Variants in MIPOL1 observed in about 807,000 individuals in gnomAD.
MIPOL1 encodes the protein mirror-image polydactyly gene 1 protein.
In MIPOL1, 57 loss-of-function variants were observed where a neutral mutation model predicts 60.9. The ratio of observed to expected loss-of-function variants is 0.94; its 90% CI spans 0.76 to 1.17. MIPOL1 has a LOEUF of 1.17. Among genes scored for constraint, MIPOL1 ranks in the 50% most tolerant of loss-of-function variants. The probability of loss-of-function intolerance (pLI) is 0.00; values close to 1 mark genes in which losing one functional copy is unlikely to be tolerated. For missense variants in MIPOL1, 551 were observed against 511.6 expected (o/e 1.08, Z -0.74); for synonymous variants, 179 against 168.8 (o/e 1.06, Z -0.47).
intron 10 of MIPOL1, among the ~76,000 whole-genome samples, chr14:37,374,466 G>A (rs550425212): frequency 2.6e-5 from 4 of 152,182 alleles, no homozygotes; most frequent in South Asian, 4.2e-4. Context: ...GCCCATGCCT[G>A]TGTCCTGAAT....
chr14:37,350,605 T>C (rs955402411), intron 9 of MIPOL1, among the ~76,000 whole-genome samples: 1 of 152,170 alleles, frequency 6.6e-6, no homozygotes, highest in Admixed American at 6.5e-5. Context: ...TTTTAGTTAT[T>C]TTTAAATGTA....
At chr14:37,278,549 T>C (rs998364992) in intron 6 of MIPOL1, 6 of 151,798 alleles carry the variant, frequency 4.0e-5, no homozygotes, top group Non-Finnish European at 8.9e-5. Flanking sequence ...TTTTCCAACA[T>C]GAATTATTAT....
intron 11 of MIPOL1, among the ~76,000 whole-genome samples, chr14:37,438,705 T>C (rs1199623282): frequency 2.6e-5 from 4 of 152,172 alleles, no homozygotes; most frequent in Admixed American, 1.3e-4. Flanking sequence ...TGCTTTGGAG[T>C]TTAACAGTCT....
chr14:37,341,930 A>T (rs1169103255), intron 9 of MIPOL1, among the ~76,000 whole-genome samples: 3 of 152,084 alleles, frequency 2.0e-5, no homozygotes, highest in African/African-American at 7.2e-5. Context: ...TTTCCTTTTG[A>T]TTTTTTTCTC....
chr14:37,504,169 A>C (rs2095253105), intron 12 of MIPOL1: 1 of 152,108 alleles, frequency 6.6e-6, no homozygotes, highest in Non-Finnish European at 1.5e-5. Context: ...AGACTTTAAC[A>C]CCCCACTGTC....
chr14:37,349,703 C>T (rs1276200904), intron 9 of MIPOL1, among the ~76,000 whole-genome samples: 2 of 152,098 alleles, frequency 1.3e-5, no homozygotes, highest in Admixed American at 6.5e-5. Context: ...TGCCTTTAAC[C>T]TGTTTTTCTT....
At chr14:37,245,472 C>A (rs1453312028) in intron 1 of MIPOL1, among the ~76,000 whole-genome samples, 1 of 152,038 alleles carries the variant, frequency 6.6e-6, no homozygotes, top group Admixed American at 6.5e-5. Context: ...ACATCAAGGG[C>A]AAAGCAAATG....
chr14:37,236,864 A>G (rs749662607), intron 1 of MIPOL1, among the ~76,000 whole-genome samples: 11 of 152,164 alleles, frequency 7.2e-5, no homozygotes, highest in Admixed American at 5.9e-4. Flanking sequence ...AGTCTTTGCA[A>G]ATTGCTTTGT....
At chr14:37,227,813 A>ATT (rs1488833878) in intron 1 of MIPOL1, 1 of 152,162 alleles carries the variant, frequency 6.6e-6, no homozygotes, top group Admixed American at 6.5e-5. Context: ...GAGAAGGCTA[A>ATT]AGGAGCTCAT....
chr14:37,460,045 C>T (rs1173239754), intron 11 of MIPOL1, among the ~76,000 whole-genome samples: 1 of 151,832 alleles, frequency 6.6e-6, no homozygotes, highest in Non-Finnish European at 1.5e-5. Context: ...TGCCACTGCA[C>T]TCCAGCCTGG....
chr14:37,499,193 A>G (rs1331535197), intron 11 of MIPOL1, among the ~76,000 whole-genome samples: 1 of 152,158 alleles, frequency 6.6e-6, no homozygotes, highest in African/African-American at 2.4e-5. Context: ...AGGTGTAATG[A>G]CATATCAAAG....
chr14:37,453,320 G>T (rs1016058557), intron 11 of MIPOL1, among the ~76,000 whole-genome samples: 4 of 151,822 alleles, frequency 2.6e-5, no homozygotes, highest in East Asian at 1.9e-4. Flanking sequence ...GCGCTTAGTG[G>T]TTTTTTTCAG....
At chr14:37,439,863 A>G (rs1461381102) in intron 11 of MIPOL1, among the ~76,000 whole-genome samples, 2 of 152,222 alleles carry the variant, frequency 1.3e-5, no homozygotes, top group East Asian at 1.9e-4. Context: ...TTATTTAATG[A>G]ATTTATTTTT....
chr14:37,339,299 C>T (rs1227269301), intron 9 of MIPOL1, among the ~76,000 whole-genome samples: 2 of 152,140 alleles, frequency 1.3e-5, no homozygotes, highest in African/African-American at 4.8e-5. Context: ...AAAAGACAGA[C>T]AACAGCAAAC....
At chr14:37,266,787 C>T (rs569394442) in intron 3 of MIPOL1, 151 bp from the exon 4 acceptor site, 2 of 637,792 alleles carry the variant, frequency 3.1e-6, no homozygotes, top group African/African-American at 1.8e-5. Flanking sequence ...TACAACTTAT[C>T]CCAATGCTTA....
intron 12 of MIPOL1, among the ~76,000 whole-genome samples, chr14:37,526,607 TC>T (rs1194981413): frequency 4.6e-5 from 7 of 150,932 alleles, no homozygotes. Flanking sequence ...GGTCTTGATC[TC>T]CTGACCTTGT....
At chr14:37,488,693 A>T (rs1199031151) in intron 11 of MIPOL1, among the ~76,000 whole-genome samples, 1 of 152,172 alleles carries the variant, frequency 6.6e-6, no homozygotes, top group Non-Finnish European at 1.5e-5. Context: ...TCCTTTGCTT[A>T]TGAAACTTCA....
At chr14:37,361,795 G>A (rs1340962849) in intron 9 of MIPOL1, among the ~76,000 whole-genome samples, 2 of 151,782 alleles carry the variant, frequency 1.3e-5, no homozygotes, top group African/African-American at 4.8e-5. Context: ...TTTTCGTAGA[G>A]TCCGGGTTGC....
chr14:37,531,543 A>G (rs2095479315), intron 12 of MIPOL1, among the ~76,000 whole-genome samples: 1 of 152,208 alleles, frequency 6.6e-6, no homozygotes, highest in Admixed American at 6.5e-5. Context: ...ATTCATTCAT[A>G]TTATCTAGGT....
Sources: gnomAD v4.1 joint callset for allele counts (sites outside exome capture counted in the v4.1 genomes callset) on GRCh38, gnomAD v4.1.1 for gene constraint, MANE v1.5 for transcripts, NCBI Gene and HGNC (gene_info 2026-07-23, HGNC 2026-07-21) for gene names.